MRPS26: variants seen among roughly 807,000 people sequenced by gnomAD.
MRPS26 encodes mitochondrial ribosomal protein S26, also known as small ribosomal subunit protein mS26.
In MRPS26, 26 loss-of-function variants were observed where a neutral mutation model predicts 22.7. That is an observed-to-expected ratio of 1.15 (90% CI 0.84 to 1.59). The LOEUF is 1.59. Among genes scored for constraint, MRPS26 ranks in the 40% most tolerant of loss-of-function variants. The pLI is 0.00. For missense variants in MRPS26, 291 were observed against 287.7 expected (o/e 1.01, Z -0.08); for synonymous variants, 120 against 124.0 (o/e 0.97, Z 0.22).
chr20:3,048,066 T>C lies in MRPS26; in HGVS notation c.*197T>C. On this transcript the variant is annotated 3_prime_UTR_variant, in exon 4 of 4. Coordinates refer to ENST00000380325, the MANE Select transcript of MRPS26 (RefSeq NM_030811.4). The surrounding 1 kb of genome is among the most constrained non-coding windows in gnomAD (Gnocchi z 4.1). ...CGCAGTGCCCTGTTCTGCCGGTGTG[T>C]ACAGCCTCAGCGCACCAGGAGACCC... is the stretch of plus-strand genomic sequence containing the variant. 1.7e-6 allele frequency: 1 copy of C among 585,428 alleles called. No individual in the cohort carries two copies. The highest frequency in any genetic ancestry group is 2.8e-6 in the Non-Finnish European group (1 of 358,802). 36.3% of individuals were successfully genotyped at this position (585,428 alleles called of 1,614,324 possible). A position where few individuals can be genotyped will look rare whatever the true frequency, so the allele number is the denominator to read the frequency against.
At position 3,046,294 on chromosome 20, in the gene MRPS26, G is replaced by A; in HGVS notation, c.212+14G>A. ...GCGCGCCCTCAGGTGTGCGGCCGGG[G>A]GGAGGTGGCCGCCCGCGCGCGCTGG... On this transcript the variant is annotated intron_variant, in intron 1 of 3. Coordinates refer to ENST00000380325, the MANE Select transcript of MRPS26 (RefSeq NM_030811.4). The A allele has an allele frequency of 2.5e-6, 4 of 1,605,066 alleles. No homozygotes were observed. Among genetic ancestry groups the A allele is most frequent in the Non-Finnish European group, 2.5e-6 (3 of 1,177,740 alleles).
chr20:3,046,788 G>T, intron 3 of MRPS26, 51 bp downstream of exon 3: 1 of 1,524,126 alleles, frequency 6.6e-7, no homozygotes, highest in Non-Finnish European at 8.8e-7. Context: ...GCGGCTTGCG[G>T]GGCACTGGGA....
chr20:3,046,493 GGA>G lies in MRPS26; in HGVS notation c.336_337del (p.Asn113ProfsTer97), dbSNP rs1334133367. ...HRELMAWNQA[E>X]NRRLHELRIA... is the part of the protein sequence containing the mutation. ...GCGAGCTGATGGCCTGGAACCAGGC[GGA>G]GAACCGGCGGCTGCACGAGCTGCGG... On this transcript the variant is annotated frameshift_variant, in exon 2 of 4. Coordinates refer to ENST00000380325, the MANE Select transcript of MRPS26 (RefSeq NM_030811.4). LOFTEE classifies it high-confidence loss of function. 6.4e-7 allele frequency: 1 copy of G among 1,570,856 alleles called. No individual in the cohort carries two copies.
In MRPS26 at chr20:3,048,061, G is replaced by A. The variant is rs1600310566; in HGVS notation, c.*192G>A. ...CCAAACGCAGTGCCCTGTTCTGCCG[G>A]TGTGTACAGCCTCAGCGCACCAGGA... On this transcript the variant is annotated 3_prime_UTR_variant, in exon 4 of 4. Transcript: ENST00000380325. This position sits in a 1 kb window ranked among gnomAD's most constrained non-coding sequence, Gnocchi z 4.1. 4.8e-6 allele frequency: 3 copies of A among 622,948 alleles called. No homozygotes were observed. The highest frequency in any genetic ancestry group is 3.3e-5 in the East Asian group (1 of 30,674). 38.6% of individuals were successfully genotyped at this position (622,948 alleles called of 1,614,324 possible). A position where few individuals can be genotyped will look rare whatever the true frequency, so the allele number is the denominator to read the frequency against.
In MRPS26 at chr20:3,046,097, C is replaced by T. The variant is rs1378802087; in HGVS notation, c.29C>T (p.Ala10Val). ...CTACGCGCGCTGAGCCGCCTGGGCG[C>T]GGGGACCCCGTGCAGGCCCCGGGCC... is the stretch of plus-strand genomic sequence containing the variant. MLRALSRLG[A>V]GTPCRPRAPL... The change falls in exon 1 of 4, where the codon GCG becomes GTG. Residue 10 changes from alanine to valine, a missense_variant. Transcript: ENST00000380325. 1 of 1,543,946 alleles carries T rather than the reference C, an allele frequency of 6.5e-7. No individual in the cohort carries two copies. The highest frequency in any genetic ancestry group is 1.9e-5 in the Admixed American group (1 of 52,538).
chr20:3,046,460 C>G lies in MRPS26; in HGVS notation c.300C>G (p.Ala100=). The G allele has an allele frequency of 6.3e-7, 1 of 1,590,332 alleles. No individual in the cohort carries two copies. Among genetic ancestry groups the G allele is most frequent in the Non-Finnish European group, 8.5e-7 (1 of 1,173,090 alleles). ...LAERKALKDA[A]EHRELMAWNQ... The stretch of plus-strand genomic sequence containing the variant: ...AGCGCAAGGCCCTGAAGGACGCCGC[C>G]GAGCACCGCGAGCTGATGGCCTGGA... Residue 100 remains alanine, a synonymous_variant, in exon 2 of 4, where the codon GCC becomes GCG. Coordinates refer to ENST00000380325, the MANE Select transcript of MRPS26 (RefSeq NM_030811.4).
chr20:3,047,261 C>G (rs911275862), intron 3 of MRPS26, among the ~76,000 whole-genome samples: 1 of 152,034 alleles, frequency 6.6e-6, no homozygotes, highest in Admixed American at 6.5e-5. Context: ...GCGTGGTGTG[C>G]GCCAGTAATC....
At chr20:3,046,787 G>A (rs1335483286) in intron 3 of MRPS26, 50 bp downstream of exon 3, 2 of 1,523,888 alleles carry the variant, frequency 1.3e-6, no homozygotes, top group African/African-American at 1.4e-5. Flanking sequence ...CGCGGCTTGC[G>A]GGGCACTGGG....
In MRPS26 at chr20:3,048,073, T is replaced by A. The variant is rs1176210568; in HGVS notation, c.*204T>A. 2 of 541,638 alleles carry A rather than the reference T, an allele frequency of 3.7e-6. No homozygotes were observed. The highest frequency in any genetic ancestry group is 3.1e-6 in the Non-Finnish European group (1 of 325,364). 33.6% of individuals were successfully genotyped at this position (541,638 alleles called of 1,614,324 possible). On this transcript the variant is annotated 3_prime_UTR_variant, in exon 4 of 4. Coordinates refer to ENST00000380325, the MANE Select transcript of MRPS26 (RefSeq NM_030811.4). The surrounding 1 kb of genome is among the most constrained non-coding windows in gnomAD (Gnocchi z 4.1). ...CCCTGTTCTGCCGGTGTGTACAGCC[T>A]CAGCGCACCAGGAGACCCTAGAGTG...
rs1221913885 is a variant in MRPS26 at position 3,047,166 on chromosome 20, C to T, written c.483+429C>T. 2.0e-5 allele frequency among the ~76,000 whole-genome samples: 3 copies of T among 152,158 alleles called. 1 individual carries two copies. Among genetic ancestry groups the T allele is most frequent in the South Asian group, 4.2e-4 (2 of 4,818 alleles). On this transcript the variant is annotated intron_variant, in intron 3 of 3. Coordinates refer to ENST00000380325, the MANE Select transcript of MRPS26 (RefSeq NM_030811.4). ...CTGTAATCCCAGTACTATGGGAGGC[C>T]GAAGCGGGCGTATCACTTGAGGTCG...
In MRPS26 at chr20:3,046,266, C is replaced by T. The variant is rs556377980; in HGVS notation, c.198C>T (p.Thr66=). The change falls in exon 1 of 4, where the codon ACC becomes ACT. Residue 66 remains threonine (T), a synonymous_variant. Transcript: ENST00000380325. The stretch of plus-strand genomic sequence containing the variant: ...AGCGTTACCAGCACTACCGCCAGAC[C>T]GTGCGCGCCCTCAGGTGTGCGGCCG... ...LMERYQHYRQ[T]VRALRMEFVS... 1.6e-5 allele frequency: 26 copies of T among 1,607,062 alleles called. No homozygotes were observed. In the African/African-American group the frequency reaches 3.2e-4, roughly 20 times the overall value.
chr20:3,046,431 G>A lies in MRPS26; in HGVS notation c.271G>A (p.Ala91Thr), dbSNP rs1251155465. 1.2e-6 allele frequency: 2 copies of A among 1,605,062 alleles called. No homozygotes were observed. Among genetic ancestry groups the A allele is most frequent in the South Asian group, 2.2e-5 (2 of 89,772 alleles). Reference sequence around the variant, plus strand: ...GCACGAGGCCCGAGCCGGGGTTCTGGCGGAGCGCAAGGCCCTGAAGGACGC... The same window carrying A: ...GCACGAGGCCCGAGCCGGGGTTCTGACGGAGCGCAAGGCCCTGAAGGACGC... ...KVHEARAGVL[A>T]ERKALKDAAE... Residue 91 changes from alanine to threonine, a missense_variant, in exon 2 of 4, where the codon GCG becomes ACG. Physicochemically the swap from Ala to Thr is moderately conservative, Grantham distance 58. Coordinates refer to ENST00000380325, the MANE Select transcript of MRPS26 (RefSeq NM_030811.4).
chr20:3,047,207 C>G (rs999901100), intron 3 of MRPS26, among the ~76,000 whole-genome samples: 10 of 152,056 alleles, frequency 6.6e-5, no homozygotes, highest in African/African-American at 2.4e-4. Context: ...TCGAGTCCAG[C>G]CTGGCCAAGC....
chr20:3,047,864 T>G lies in MRPS26; in HGVS notation c.613T>G (p.Ser205Ala), dbSNP rs1364394790. The change falls in exon 4 of 4, where the codon TCC (serine) becomes GCC (alanine). Residue 205 changes from serine (S) to alanine (A), a missense_variant. By Grantham distance (99) the Ser-to-Ala change is moderately conservative. Coordinates refer to ENST00000380325, the MANE Select transcript of MRPS26 (RefSeq NM_030811.4). Reference protein sequence around the residue: ...GLVVRPQRRDS With the variant: ...GLVVRPQRRDA ...GGTGGTCAGGCCACAACGCAGGGAC[T>G]CCTAGGGGCCCAGTAAGGACAGTGC... 1.2e-6 allele frequency: 2 copies of G among 1,603,874 alleles called. No homozygotes were observed. The highest frequency in any genetic ancestry group is 1.7e-6 in the Non-Finnish European group (2 of 1,177,014).
chr20:3,046,668 G>C lies in MRPS26; in HGVS notation c.414G>C (p.Glu138Asp), dbSNP rs1568720831. ...EREQEQRQALEQARKAEEVQA... is the reference protein window; with the variant it reads ...EREQEQRQALDQARKAEEVQA... ...AGCAGGAGCAGCGGCAGGCGTTGGA[G>C]CAGGCCCGCAAGGCCGAAGAGGTGC... is the stretch of plus-strand genomic sequence containing the variant. Residue 138 changes from glutamate (E) to aspartate (D), a missense_variant, in exon 3 of 4, where the codon GAG becomes GAC. Coordinates refer to ENST00000380325, the MANE Select transcript of MRPS26 (RefSeq NM_030811.4). The C allele has an allele frequency of 6.5e-7, 1 of 1,543,544 alleles. No individual in the cohort carries two copies. Among genetic ancestry groups the C allele is most frequent in the South Asian group, 1.2e-5 (1 of 84,024 alleles).
chr20:3,047,660 G>A, intron 3 of MRPS26, 75 bp from the exon 4 acceptor site: 2 of 1,590,690 alleles, frequency 1.3e-6, no homozygotes, highest in Non-Finnish European at 8.6e-7. Context: ...AGTGGGGTGA[G>A]AGGCCAGCAG....
chr20:3,046,569 G>A, intron 2 of MRPS26, 45 bp from the exon 3 acceptor site: 1 of 1,527,046 alleles, frequency 6.5e-7, no homozygotes, highest in Non-Finnish European at 8.8e-7. Flanking sequence ...GCCGGCCTGG[G>A]AGAAGCCCGG....
In MRPS26 at chr20:3,046,642, G is replaced by T. The variant is rs1301261408; in HGVS notation, c.388G>T (p.Glu130Ter). ...AGCGAGGCTGCGGCAGGAGGAGCGGGAGCAGGAGCAGCGGCAGGCGTTGGA... is the reference window on the plus strand; with the variant it reads ...AGCGAGGCTGCGGCAGGAGGAGCGGTAGCAGGAGCAGCGGCAGGCGTTGGA... ...RIARLRQEER[E>*]QEQRQALEQA... Residue 130 changes from glutamate to a stop codon, truncating the protein, a stop_gained, in exon 3 of 4, where the codon GAG (glutamate) becomes TAG (stop). Coordinates refer to ENST00000380325, the MANE Select transcript of MRPS26 (RefSeq NM_030811.4). LOFTEE classifies it high-confidence loss of function. 6.5e-7 allele frequency: 1 copy of T among 1,540,236 alleles called. No homozygotes were observed. Among genetic ancestry groups the T allele is most frequent in the Non-Finnish European group, 8.8e-7 (1 of 1,139,650 alleles).
rs951437196 is a variant in MRPS26, at chr20:3,047,787, C to T, written c.536C>T (p.Ala179Val). Residue 179 changes from alanine (A) to valine (V), a missense_variant, in exon 4 of 4, where the codon GCA (alanine) becomes GTA (valine). Ala to Val is a moderately conservative substitution (Grantham distance 64, BLOSUM62 0). Transcript: ENST00000380325. ...GAGAACCTGGAGGCACGGGTGGAAG[C>T]AGCATTGGACTCCCGGAAGAACTAC... is the stretch of plus-strand genomic sequence containing the variant. ...TRENLEARVE[A>V]ALDSRKNYNW... is the part of the protein sequence containing the mutation. 4 of 1,613,826 alleles carry T rather than the reference C, an allele frequency of 2.5e-6. No homozygotes were observed. The highest frequency in any genetic ancestry group is 2.5e-6 in the Non-Finnish European group (3 of 1,179,864).
Sources: gnomAD v4.1 joint callset for allele counts (sites outside exome capture counted in the v4.1 genomes callset) on GRCh38, gnomAD v4.1.1 for gene constraint, Gnocchi (gnomAD v3.1) non-coding constraint, MANE v1.5 for transcripts, NCBI Gene and HGNC (gene_info 2026-07-23, HGNC 2026-07-21) for gene names.